BTNL8: variants seen among roughly 807,000 people sequenced by gnomAD.
BTNL8 encodes butyrophilin-like protein 8.
Under a neutral mutation model 36.1 loss-of-function variants are expected in BTNL8, and 22 were observed. That is an observed-to-expected ratio of 0.61 (90% CI 0.44 to 0.87). The LOEUF (loss-of-function observed/expected upper bound fraction) is 0.87, where lower values mean the gene tolerates loss of function less well. Ranked by LOEUF, BTNL8 falls within the 40% of genes least tolerant of loss-of-function variation. BTNL8 has a pLI of 0.00. For missense variants in BTNL8, 526 were observed against 616.9 expected, an observed-to-expected ratio of 0.85 and a Z score of 1.56; for synonymous variants, 203 against 235.6, an observed-to-expected ratio of 0.86 and a Z score of 1.27.
intron 3 of BTNL8, among the ~76,000 whole-genome samples, chr5:180,945,310 C>A: frequency 6.6e-6 from 1 of 152,148 alleles, no homozygotes; most frequent in East Asian, 1.9e-4. Flanking sequence ...TGTACAAAAA[C>A]GAACTCAGAT....
intron 3 of BTNL8, among the ~76,000 whole-genome samples, chr5:180,920,233 G>T (rs910667265): frequency 6.6e-6 from 1 of 152,038 alleles, no homozygotes; most frequent in African/African-American, 2.4e-5. Context: ...ATATGGTACT[G>T]GCATAAAAAC....
intron 3 of BTNL8, among the ~76,000 whole-genome samples, chr5:180,917,300 T>C (rs74872619): frequency 7.3e-5 from 5 of 68,778 alleles, no homozygotes; most frequent in Non-Finnish European, 1.2e-4. Context: ...AAGGTTAGAC[T>C]ATGGCACTAT....
At chr5:180,922,636 T>C (rs1757920446) in intron 3 of BTNL8, among the ~76,000 whole-genome samples, 2 of 85,186 alleles carry the variant, frequency 2.3e-5, no homozygotes, top group Admixed American at 1.1e-4. Flanking sequence ...TTAAAGTATG[T>C]GCTATGTAGT....
Position 180,911,542 on chromosome 5 carries a change from G to A in BTNL8, c.601G>A (p.Ala201Thr), listed in dbSNP as rs751803412. The change falls in exon 3 of 8, where the codon GCC becomes ACC. Residue 201 changes from alanine (A) to threonine (T), a missense_variant. Around this residue, in one of 2 missense-constraint regions of BTNL8, gnomAD observed 350 missense variants for 324.6 expected, o/e 1.08. Coordinates refer to ENST00000340184, the MANE Select transcript of BTNL8 (RefSeq NM_001040462.3). ...VEISLTVQEN[A>T]GSISCSMRHA... ...GATCTCTCTGACCGTCCAAGAGAACGCCGGGAGCATATCCTGTTCCATGCG... is the reference window on the plus strand; with the variant it reads ...GATCTCTCTGACCGTCCAAGAGAACACCGGGAGCATATCCTGTTCCATGCG... 43 of 1,612,776 alleles carry A rather than the reference G, an allele frequency of 2.7e-5. No homozygotes were observed. The highest frequency in any genetic ancestry group is 3.3e-4 in the Middle Eastern group (2 of 6,080).
At chr5:180,907,482 C>T (rs1488605051) in intron 1 of BTNL8, among the ~76,000 whole-genome samples, 34 of 147,854 alleles carry the variant, frequency 2.3e-4, no homozygotes, top group African/African-American at 8.6e-4. Flanking sequence ...CCTCCCGTAG[C>T]TCAGAGTAAT....
At position 180,921,075 on chromosome 5, in the gene BTNL8, C is replaced by CA. The variant is rs1372869490; in HGVS notation, c.673+9467dup. Among the ~76,000 whole-genome samples the CA allele has an allele frequency of 3.3e-5, 5 of 151,960 alleles. No individual in the cohort carries two copies. In the South Asian group the frequency reaches 8.3e-4, roughly 25 times the overall value. ...ATGTAGATAAACCCTAAAGATTCCA[C>CA]AAAAAACTGTTAGAGCTAATACATT... On this transcript the variant is annotated intron_variant, in intron 3 of 7. Coordinates refer to ENST00000340184, the MANE Select transcript of BTNL8 (RefSeq NM_001040462.3).
In BTNL8 at chr5:180,934,801, C is replaced by T. The variant is rs148382531; in HGVS notation, c.674-12711C>T. 8.0e-3 allele frequency among the ~76,000 whole-genome samples: 1,215 copies of T among 152,280 alleles called. 18 individuals are homozygous for T. Among genetic ancestry groups the T allele is most frequent in the African/African-American group, 0.027 (1,123 of 41,552 alleles). On this transcript the variant is annotated intron_variant, in intron 3 of 7. Coordinates refer to ENST00000340184, the MANE Select transcript of BTNL8 (RefSeq NM_001040462.3). ...GGCTCCTGGAAGGGCTGCAGCTCTT[C>T]TCTCCTTCTCATTGTCTGCAACATT...
At chr5:180,949,485 G>A in intron 7 of BTNL8, 1 of 717,764 alleles carries the variant, frequency 1.4e-6, no homozygotes, top group South Asian at 1.8e-5. Flanking sequence ...GGGTAAACGG[G>A]AGACGGGGGG....
At chr5:180,920,751 T>C (rs954680096) in intron 3 of BTNL8, among the ~76,000 whole-genome samples, 6 of 152,008 alleles carry the variant, frequency 3.9e-5, no homozygotes, top group African/African-American at 7.2e-5. Flanking sequence ...TAACCAAAAA[T>C]ATTCCAATTT....
At chr5:180,902,826 C>T (rs1296202633) in intron 1 of BTNL8, among the ~76,000 whole-genome samples, 1 of 140,336 alleles carries the variant, frequency 7.1e-6, no homozygotes, top group Non-Finnish European at 1.5e-5. Context: ...TTTCTAATTT[C>T]ATCCATGTCC....
chr5:180,907,169 G>A (rs1458383330), intron 1 of BTNL8, among the ~76,000 whole-genome samples: 1 of 121,042 alleles, frequency 8.3e-6, no homozygotes, highest in Non-Finnish European at 1.7e-5. Context: ...CCAATCAGAC[G>A]TAGATTTGGT....
intron 3 of BTNL8, among the ~76,000 whole-genome samples, chr5:180,946,964 T>C (rs1307505481): frequency 1.3e-5 from 2 of 152,192 alleles, no homozygotes; most frequent in Non-Finnish European, 2.9e-5. Context: ...AGACATCAGT[T>C]CTCTCTGAAT....
At chr5:180,906,168 T>C (rs1757074677) in intron 1 of BTNL8, among the ~76,000 whole-genome samples, 1 of 147,592 alleles carries the variant, frequency 6.8e-6, no homozygotes, top group African/African-American at 2.6e-5. Flanking sequence ...AGTCTCTTTG[T>C]AGGTCACTCA....
At chr5:180,926,400 G>A (rs759226457) in intron 3 of BTNL8, among the ~76,000 whole-genome samples, 8 of 152,308 alleles carry the variant, frequency 5.3e-5, no homozygotes, top group Non-Finnish European at 5.9e-5. Context: ...CTGGGTGGCC[G>A]TTTGGGCAGA....
intron 3 of BTNL8, among the ~76,000 whole-genome samples, chr5:180,934,750 C>A (rs1193146971): frequency 6.6e-6 from 1 of 152,226 alleles, no homozygotes; most frequent in East Asian, 1.9e-4. Flanking sequence ...GTGTCACAGT[C>A]CTGGCATGGG....
chr5:180,923,405 G>A (rs1181657212), intron 3 of BTNL8, among the ~76,000 whole-genome samples: 1 of 152,064 alleles, frequency 6.6e-6, no homozygotes, highest in Non-Finnish European at 1.5e-5. Context: ...ATTCTCTATA[G>A]ATGTTAATAA....
Position 180,908,872 on chromosome 5 carries a change from T to C in BTNL8, c.336T>C (p.Tyr112=), listed in dbSNP as rs767230646. The C allele has an allele frequency of 1.9e-6, 3 of 1,614,220 alleles. No individual in the cohort carries two copies. Among genetic ancestry groups the C allele is most frequent in the East Asian group, 4.5e-5 (2 of 44,894 alleles). Residue 112 remains tyrosine (Y), a synonymous_variant, in exon 2 of 8, where the codon TAT becomes TAC. Transcript: ENST00000340184. ...TTACTGTGTTGGATGCTGGCCTCTA[T>C]GGGTGCAGGATTAGTTCCCAGTCTT... The part of the protein sequence containing the change: ...ENITVLDAGL[Y]GCRISSQSYY...
chr5:180,911,738 A>C, intron 3 of BTNL8, 124 bp downstream of exon 3: 2 of 1,042,036 alleles, frequency 1.9e-6, no homozygotes, highest in Non-Finnish European at 1.4e-6. Context: ...TTATTTTAAA[A>C]GTTTAAAATC....
intron 1 of BTNL8, among the ~76,000 whole-genome samples, chr5:180,905,894 G>A: frequency 6.7e-6 from 1 of 148,180 alleles, no homozygotes; most frequent in Non-Finnish European, 1.5e-5. Flanking sequence ...GAGATAGTTT[G>A]TTATAATTTC....
Sources: gnomAD v4.1 joint callset for allele counts (sites outside exome capture counted in the v4.1 genomes callset) on GRCh38, gnomAD v4.1.1 for gene constraint, gnomAD v4.1.1 regional missense constraint, MANE v1.5 for transcripts, NCBI Gene and HGNC (gene_info 2026-07-23, HGNC 2026-07-21) for gene names.